The following ADAMTS13 variants were observed in gnomAD, a reference collection of about 807,000 sequenced individuals.
The protein encoded by ADAMTS13 is A disintegrin and metalloproteinase with thrombospondin motifs 13.
Under a neutral mutation model 155.1 loss-of-function variants are expected in ADAMTS13, and 110 were observed. That is an observed-to-expected ratio of 0.71 (90% CI 0.61 to 0.83). The LOEUF (loss-of-function observed/expected upper bound fraction) is 0.83, where lower values mean the gene tolerates loss of function less well. Ranked by LOEUF, ADAMTS13 falls within the 40% of genes least tolerant of loss-of-function variation. The probability of loss-of-function intolerance (pLI) is 0.00; values close to 1 mark genes in which losing one functional copy is unlikely to be tolerated. For synonymous variants in ADAMTS13, 758 were observed against 756.4 expected (o/e 1.00, Z -0.03); for missense variants, 1,707 against 1,891.7 (o/e 0.90, Z 1.81).
chr9:133,422,646 C>A, intron 1 of ADAMTS13, 98 bp downstream of exon 1: 1 of 1,255,592 alleles, frequency 8.0e-7, no homozygotes, highest in Non-Finnish European at 1.1e-6. Context: ...CTGACTACAT[C>A]AGCTTTGGGG....
At chr9:133,449,702 G>C in intron 22 of ADAMTS13, 81 bp from the exon 23 acceptor site, 1 of 1,526,416 alleles carries the variant, frequency 6.6e-7, no homozygotes, top group Non-Finnish European at 9.0e-7. Context: ...TCCTAGTCTG[G>C]GGAAATGAAG....
chr9:133,442,888 C>T, intron 18 of ADAMTS13, 145 bp downstream of exon 18: 1 of 1,331,166 alleles, frequency 7.5e-7, no homozygotes, highest in South Asian at 1.5e-5. Flanking sequence ...CTGCCCACAG[C>T]CCTGCAAGGG....
intron 1 of ADAMTS13, among the ~76,000 whole-genome samples, chr9:133,416,274 G>A (rs1839595199): frequency 6.6e-6 from 1 of 152,196 alleles, no homozygotes; most frequent in African/African-American, 2.4e-5. Context: ...TCGTTACTGA[G>A]GGGAGGGCAC....
At position 133,456,652 on chromosome 9, in the gene ADAMTS13, C is replaced by T. The variant is rs782463983; in HGVS notation, c.3657C>T (p.Cys1219=). Residue 1219 remains cysteine (C), a synonymous_variant, in exon 27 of 29, where the codon TGC becomes TGT. Coordinates refer to ENST00000355699, the MANE Select transcript of ADAMTS13 (RefSeq NM_139027.6). The surrounding 1 kb of genome is among the most constrained non-coding windows in gnomAD (Gnocchi z 4.4). ...ACACGCTGGTGGTGAGGCAGCGCTG[C>T]GGGCGGCCAGGAGGTGGGGTGCTGC... ...KTNTLVVRQR[C]GRPGGGVLLR... The T allele has an allele frequency of 1.1e-5, 18 of 1,604,616 alleles. No homozygotes were observed. Among genetic ancestry groups the T allele is most frequent in the East Asian group, 4.5e-5 (2 of 44,642 alleles).
chr9:133,445,561 A>G lies in ADAMTS13; in HGVS notation c.2611-138A>G. ...GCGAGACCGGGGAGCCGATCTCGCCAAGGGAGGAGGGGAGGGAGCCCCTGG... is the reference window on the plus strand; with the variant it reads ...GCGAGACCGGGGAGCCGATCTCGCCGAGGGAGGAGGGGAGGGAGCCCCTGG... On this transcript the variant is annotated intron_variant, in intron 20 of 28. Coordinates refer to ENST00000355699, the MANE Select transcript of ADAMTS13 (RefSeq NM_139027.6). This position sits in a 1 kb window ranked among gnomAD's most constrained non-coding sequence, Gnocchi z 5.0. 2.2e-6 allele frequency: 3 copies of G among 1,362,474 alleles called. No individual in the cohort carries two copies. The highest frequency in any genetic ancestry group is 2.4e-5 in the South Asian group (2 of 81,910). The allele number at this position is 1,362,474 out of a possible 1,614,324, so 84.4% of individuals were successfully genotyped here. A position where few individuals can be genotyped will look rare whatever the true frequency, so the allele number is the denominator to read the frequency against.
At chr9:133,436,397 C>T (rs1841216260) in intron 11 of ADAMTS13, among the ~76,000 whole-genome samples, 1 of 151,800 alleles carries the variant, frequency 6.6e-6, no homozygotes, top group African/African-American at 2.4e-5. Flanking sequence ...AGGGAGTCAA[C>T]TCCGGTTATC....
chr9:133,440,058 T>C lies in ADAMTS13; in HGVS notation c.1787-286T>C, dbSNP rs1189936788. Among the ~76,000 whole-genome samples, 1 of 152,268 alleles carries C rather than the reference T, an allele frequency of 6.6e-6. No homozygotes were observed. The highest frequency in any genetic ancestry group is 1.5e-5 in the Non-Finnish European group (1 of 68,044). ...TATTGAGGGCCACAGTGGGTCTTTC[T>C]GGAGTGTGTCTGCACCTAACCTTTG... is the stretch of plus-strand genomic sequence containing the variant. On this transcript the variant is annotated intron_variant, in intron 15 of 28. Coordinates refer to ENST00000355699, the MANE Select transcript of ADAMTS13 (RefSeq NM_139027.6). This position sits in a 1 kb window ranked among gnomAD's most constrained non-coding sequence, Gnocchi z 4.3.
At position 133,444,545 on chromosome 9, in the gene ADAMTS13, A is replaced by G. The variant is rs377311368; in HGVS notation, c.2421-318A>G. 1.1e-4 allele frequency among the ~76,000 whole-genome samples: 17 copies of G among 152,240 alleles called. No homozygotes were observed. In the East Asian group the frequency reaches 3.1e-3, roughly 28 times the overall value. On this transcript the variant is annotated intron_variant, in intron 19 of 28. Transcript: ENST00000355699. ...TGGTCTCCAACTCCCGGGCTCAAGC[A>G]GTCTGCTCACCTCAGCCTCCTAAAG...
chr9:133,429,715 GC>G lies in ADAMTS13; in HGVS notation c.825-222del, dbSNP rs782385671. ...TCCCACTCAGACCCGTCCCTCCGTCGCCGCTCCCTCTGCTGGCCACCCACCT... is the reference window on the plus strand; with the variant it reads ...TCCCACTCAGACCCGTCCCTCCGTCGCGCTCCCTCTGCTGGCCACCCACCT... On this transcript the variant is annotated intron_variant, in intron 7 of 28. Transcript: ENST00000355699. 4.8e-5 allele frequency: 34 copies of G among 707,980 alleles called. No homozygotes were observed. In the African/African-American group the frequency reaches 6.0e-4, roughly 12 times the overall value. 43.9% of individuals were successfully genotyped at this position (707,980 alleles called of 1,614,324 possible).
chr9:133,425,412 T>G lies in ADAMTS13; in HGVS notation c.331-117T>G. The G allele has an allele frequency of 1.2e-6, 1 of 822,650 alleles. No individual in the cohort carries two copies. Among genetic ancestry groups the G allele is most frequent in the African/African-American group, 1.7e-5 (1 of 59,112 alleles). 51.0% of individuals were successfully genotyped at this position (822,650 alleles called of 1,614,324 possible). ...CCCCGCCCCGCCCGGTTCCCACACA[T>G]GCTGGTGGAGTAGCCTCTCCAGCTC... On this transcript the variant is annotated intron_variant, in intron 3 of 28. Transcript: ENST00000355699. The surrounding 1 kb of genome is among the most constrained non-coding windows in gnomAD (Gnocchi z 4.6).
Position 133,425,119 on chromosome 9 carries a change from G to A in ADAMTS13, c.331-410G>A, listed in dbSNP as rs1840196161. ...GCGGGTGGATCACCCGAAGTCAGGA[G>A]TTCAAGACCAGCCTGGCCAACATGG... is the stretch of plus-strand genomic sequence containing the variant. On this transcript the variant is annotated intron_variant, in intron 3 of 28. Coordinates refer to ENST00000355699, the MANE Select transcript of ADAMTS13 (RefSeq NM_139027.6). The surrounding 1 kb of genome is among the most constrained non-coding windows in gnomAD (Gnocchi z 4.6). Among the ~76,000 whole-genome samples, 1 of 152,234 alleles carries A rather than the reference G, an allele frequency of 6.6e-6. No homozygotes were observed. The highest frequency in any genetic ancestry group is 6.5e-5 in the Admixed American group (1 of 15,288).
upstream of ADAMTS13, among the ~76,000 whole-genome samples, chr9:133,417,168 C>T (rs1488794686): frequency 6.6e-6 from 1 of 152,210 alleles, no homozygotes; most frequent in Admixed American, 6.5e-5. Flanking sequence ...CGCGCCATCA[C>T]GCCCGGCTAA....
intron 6 of ADAMTS13, 31 bp from the exon 7 acceptor site, chr9:133,428,603 G>A: frequency 3.1e-6 from 2 of 641,758 alleles, no homozygotes; most frequent in Admixed American, 9.3e-5. Context: ...CCTGCCGGCC[G>A]CCTTAGCGCA....
intron 2 of ADAMTS13, among the ~76,000 whole-genome samples, chr9:133,423,683 G>C (rs1043767929): frequency 2.0e-5 from 3 of 152,238 alleles, no homozygotes; most frequent in Non-Finnish European, 2.9e-5. Flanking sequence ...GGGGCCAGAG[G>C]CAGGTGGGCT....
intron 1 of ADAMTS13, among the ~76,000 whole-genome samples, chr9:133,416,685 G>A (rs913708176): frequency 1.3e-5 from 2 of 152,168 alleles, no homozygotes; most frequent in African/African-American, 4.8e-5. Flanking sequence ...GAGACAGCAG[G>A]TACAACACAG....
At chr9:133,439,342 C>G (rs1255879697) in intron 14 of ADAMTS13, 24 bp from the exon 15 acceptor site, 272 of 1,531,072 alleles carry the variant, frequency 1.8e-4, no homozygotes, top group Non-Finnish European at 2.3e-4. Flanking sequence ...GTCCACGCAT[C>G]TCTCCTTCTT....
intron 12 of ADAMTS13, among the ~76,000 whole-genome samples, chr9:133,437,343 G>A (rs587671369): frequency 2.8e-4 from 43 of 152,264 alleles, no homozygotes; most frequent in African/African-American, 1.0e-3. Context: ...TGTAACCTCC[G>A]CCTCTGGGAT....
chr9:133,458,940 G>A, intron 28 of ADAMTS13, 34 bp from the exon 29 acceptor site: 1 of 1,587,354 alleles, frequency 6.3e-7, no homozygotes, highest in Non-Finnish European at 8.6e-7. Context: ...TATTACTTGT[G>A]GCCGGTCCTT....
At chr9:133,426,920 C>G (rs782652318) in intron 6 of ADAMTS13, among the ~76,000 whole-genome samples, 1 of 152,130 alleles carries the variant, frequency 6.6e-6, no homozygotes, top group Non-Finnish European at 1.5e-5. Flanking sequence ...TCTCCCACCT[C>G]AGCCTCCCAA....
Sources: allele counts gnomAD v4.1 joint callset (sites outside exome capture counted in the v4.1 genomes callset), GRCh38; gene constraint gnomAD v4.1.1; non-coding constraint Gnocchi (gnomAD v3.1); transcripts MANE v1.5; gene names NCBI Gene and HGNC (gene_info 2026-07-23, HGNC 2026-07-21).